The following SLC39A6 variants were observed in gnomAD, a reference collection of about 807,000 sequenced individuals.
The protein encoded by SLC39A6 is zinc transporter ZIP6.
In SLC39A6, 51 loss-of-function variants were observed where a neutral mutation model predicts 63.5. The ratio of observed to expected loss-of-function variants is 0.80; its 90% CI spans 0.64 to 1.01. The LOEUF (loss-of-function observed/expected upper bound fraction) is 1.01, where lower values mean the gene tolerates loss of function less well. Ranked by LOEUF, SLC39A6 falls within the 50% of genes least tolerant of loss-of-function variation. The pLI is 0.00. For missense variants in SLC39A6, 805 were observed against 927.8 expected, an observed-to-expected ratio of 0.87 and a Z score of 1.72; for synonymous variants, 318 against 324.7, an observed-to-expected ratio of 0.98 and a Z score of 0.22.
chr18:36,119,195 T>A (rs912915201), intron 5 of SLC39A6, among the ~76,000 whole-genome samples: 5 of 152,196 alleles, frequency 3.3e-5, no homozygotes, highest in African/African-American at 1.2e-4. Flanking sequence ...TTTGAGAGAA[T>A]TAGATTAAAA....
intron 4 of SLC39A6, 39 bp downstream of exon 4, chr18:36,123,456 G>C: frequency 6.7e-7 from 1 of 1,488,780 alleles, no homozygotes; most frequent in Non-Finnish European, 9.0e-7. Flanking sequence ...TTTCAATGTT[G>C]AATAATCAAA....
Position 36,122,178 on chromosome 18 carries a change from G to A in SLC39A6, c.1233C>T (p.Asn411=). 6.2e-7 allele frequency: 1 copy of A among 1,613,738 alleles called. No individual in the cohort carries two copies. The highest frequency in any genetic ancestry group is 1.1e-5 in the South Asian group (1 of 91,066). The change falls in exon 5 of 10, where the codon AAC becomes AAT. Residue 411 remains asparagine, a synonymous_variant. Transcript: ENST00000269187. ...AATCAAAATAGGCACTTTCTTCTATGTTTTGAGAAGACAGATGACTGAAAA... is the reference window on the plus strand; with the variant it reads ...AATCAAAATAGGCACTTTCTTCTATATTTTGAGAAGACAGATGACTGAAAA... The part of the protein sequence containing the change: ...GPLFSHLSSQ[N]IEESAYFDST...
At chr18:36,113,625 T>C (rs917700537) in intron 7 of SLC39A6, among the ~76,000 whole-genome samples, 4 of 152,206 alleles carry the variant, frequency 2.6e-5, no homozygotes, top group Non-Finnish European at 4.4e-5. Flanking sequence ...CTCCCAATTG[T>C]GGTATAACAA....
intron 3 of SLC39A6, 98 bp from the exon 4 acceptor site, chr18:36,123,762 G>C: frequency 8.3e-7 from 1 of 1,208,268 alleles, no homozygotes; most frequent in South Asian, 1.6e-5. Context: ...CACGTAAAAG[G>C]AGAGAAGCTA....
At chr18:36,125,627 A>T (rs2089431300) in intron 2 of SLC39A6, among the ~76,000 whole-genome samples, 1 of 152,028 alleles carries the variant, frequency 6.6e-6, no homozygotes, top group South Asian at 2.1e-4. Context: ...CCTGTTCTTG[A>T]CATCTCTCAG....
Position 36,111,263 on chromosome 18 carries a change from C to G in SLC39A6, c.1925-14G>C. 6.3e-7 allele frequency: 1 copy of G among 1,598,056 alleles called. No homozygotes were observed. Among genetic ancestry groups the G allele is most frequent in the Non-Finnish European group, 8.5e-7 (1 of 1,173,882 alleles). ...CAGCAAAGTCACCTTTAACAGAAAA[C>G]AAAAAAGGAGGAAAAAGTCATTGAG... On this transcript the variant is annotated splice_polypyrimidine_tract_variant and intron_variant, in intron 8 of 9. Transcript: ENST00000269187.
rs749112088 is a variant in SLC39A6 at position 36,126,358 on chromosome 18, T to G, written c.650A>C (p.Asp217Ala). The change falls in exon 2 of 10, where the codon GAT (aspartate) becomes GCT (alanine). Residue 217 changes from aspartate (D) to alanine (A), a missense_variant. Physicochemically the swap from Asp to Ala is moderately radical, Grantham distance 126. Around this residue, in one of 4 missense-constraint regions of SLC39A6, gnomAD observed 639 missense variants for 644.0 expected, o/e 0.99. Transcript: ENST00000269187. ...ACTGGGTGGAGTGGAGCTGCTTACA[T>G]CTTTGGGGAAGAGTTTTCCAGGTCT... ...TPRPGKLFPK[D>A]VSSSTPPSVT... The G allele has an allele frequency of 5.0e-6, 8 of 1,614,256 alleles. No homozygotes were observed. In the East Asian group the frequency reaches 1.8e-4, roughly 36 times the overall value.
chr18:36,123,669 CAAACA>C lies in SLC39A6; in HGVS notation c.971-10_971-6del. 1 of 1,593,982 alleles carries C rather than the reference CAAACA, an allele frequency of 6.3e-7. No homozygotes were observed. Among genetic ancestry groups the C allele is most frequent in the East Asian group, 2.2e-5 (1 of 44,560 alleles). The stretch of plus-strand genomic sequence containing the variant: ...CTATAAAACCACCAACCCAGGCTGT[CAAACA>C]AAACAAAACAGAGCAAAGAAAAATT... On this transcript the variant is annotated splice_polypyrimidine_tract_variant and splice_region_variant and intron_variant, in intron 3 of 9. Transcript: ENST00000269187.
At chr18:36,119,938 A>C (rs1266006281) in intron 5 of SLC39A6, among the ~76,000 whole-genome samples, 4 of 152,190 alleles carry the variant, frequency 2.6e-5, no homozygotes, top group African/African-American at 4.8e-5. Context: ...GTATTTAGGT[A>C]AAATTTGGAA....
chr18:36,110,993 C>T (rs894961449), intron 9 of SLC39A6, 66 bp downstream of exon 9: 3 of 1,588,524 alleles, frequency 1.9e-6, no homozygotes, highest in Non-Finnish European at 2.6e-6. Context: ...AAAAATGAGG[C>T]TTTACCGAAT....
rs775287665 is a variant in SLC39A6, at chr18:36,114,378, T to C, written c.1562A>G (p.His521Arg). The C allele has an allele frequency of 5.6e-6, 9 of 1,614,210 alleles. No homozygotes were observed. In the East Asian group the frequency reaches 1.1e-4, roughly 20 times the overall value. ...ATTGTAGACTTCCTGTGGATGAGCATGAGCTATCATGACCTCTTCTTCTTC... is the reference window on the plus strand; with the variant it reads ...ATTGTAGACTTCCTGTGGATGAGCACGAGCTATCATGACCTCTTCTTCTTC... The part of the protein sequence containing the change: ...VLEEEEVMIA[H>R]AHPQEVYNEY... The change falls in exon 7 of 10, where the codon CAT (histidine) becomes CGT (arginine). Residue 521 changes from histidine to arginine, a missense_variant. By Grantham distance (29) the His-to-Arg change is conservative. Around this residue, in one of 4 missense-constraint regions of SLC39A6, gnomAD observed 639 missense variants for 644.0 expected, o/e 0.99. Transcript: ENST00000269187.
intron 5 of SLC39A6, among the ~76,000 whole-genome samples, chr18:36,120,686 T>C (rs1292401850): frequency 6.6e-6 from 1 of 152,222 alleles, no homozygotes; most frequent in African/African-American, 2.4e-5. Context: ...AGAGACAGTG[T>C]CTTGCTATGT....
Position 36,111,226 on chromosome 18 carries a change from C to A in SLC39A6, c.1948G>T (p.Ala650Ser), listed in dbSNP as rs1161712589. ...ACAGCCTGCTTAACGGTCATGCCAG[C>A]CTTTAGTAGAACAGCAAAGTCACCT... ...ELGDFAVLLK[A>S]GMTVKQAVLY... is the part of the protein sequence containing the mutation. Residue 650 changes from alanine (A) to serine (S), a missense_variant, in exon 9 of 10, where the codon GCT becomes TCT. Coordinates refer to ENST00000269187, the MANE Select transcript of SLC39A6 (RefSeq NM_012319.4). 1 of 1,613,982 alleles carries A rather than the reference C, an allele frequency of 6.2e-7. No homozygotes were observed. The highest frequency in any genetic ancestry group is 1.7e-5 in the Admixed American group (1 of 59,992).
At chr18:36,110,625 A>G (rs994928011) in intron 9 of SLC39A6, among the ~76,000 whole-genome samples, 12 of 152,096 alleles carry the variant, frequency 7.9e-5, no homozygotes, top group African/African-American at 2.7e-4. Context: ...TGCAACCTCC[A>G]TCTCCTGGGT....
intron 1 of SLC39A6, among the ~76,000 whole-genome samples, chr18:36,128,822 T>C (rs963531070): frequency 6.6e-6 from 1 of 152,184 alleles, no homozygotes; most frequent in African/African-American, 2.4e-5. Flanking sequence ...TCTAAAAGCT[T>C]TTTATTTCTA....
chr18:36,111,153 G>A lies in SLC39A6; in HGVS notation c.2021C>T (p.Thr674Ile), dbSNP rs2089296658. ...AGCATAATGACCAATGAAAATTCCT[G>A]TTGCCATTCCAAGATACGCCAGCAT... The part of the protein sequence containing the change: ...SAMLAYLGMA[T>I]GIFIGHYAEN... The change falls in exon 9 of 10, where the codon ACA (threonine) becomes ATA (isoleucine). Residue 674 changes from threonine (T) to isoleucine (I), a missense_variant. Coordinates refer to ENST00000269187, the MANE Select transcript of SLC39A6 (RefSeq NM_012319.4). 6.2e-7 allele frequency: 1 copy of A among 1,614,194 alleles called. No homozygotes were observed. Among genetic ancestry groups the A allele is most frequent in the African/African-American group, 1.3e-5 (1 of 75,054 alleles).
At chr18:36,126,101 C>T in intron 2 of SLC39A6, 118 bp downstream of exon 2, 1 of 1,040,312 alleles carries the variant, frequency 9.6e-7, no homozygotes, top group Non-Finnish European at 1.4e-6. Flanking sequence ...GTGGAAATTC[C>T]CTTTTCAATA....
At chr18:36,115,551 G>A (rs1374180772) in intron 6 of SLC39A6, among the ~76,000 whole-genome samples, 7 of 152,168 alleles carry the variant, frequency 4.6e-5, no homozygotes, top group Admixed American at 4.6e-4. Context: ...GTCGTTGGGT[G>A]CTGAGGGAAG....
Position 36,110,885 on chromosome 18 carries a change from G to A in SLC39A6, c.2115+174C>T, listed in dbSNP as rs553882110. ...TTGAGCCTATAGTCCTAGCTACTCA[G>A]GAGGCTGAGATGGAAGGATCATTTG... On this transcript the variant is annotated intron_variant, in intron 9 of 9. Transcript: ENST00000269187. The A allele has an allele frequency of 5.2e-5, 57 of 1,097,550 alleles. No individual in the cohort carries two copies. The African/African-American group carries it at 8.3e-4, about 16-fold the overall frequency. The allele number at this position is 1,097,550 out of a possible 1,614,324, so 68.0% of individuals were successfully genotyped here.
Sources: gnomAD v4.1 joint callset for allele counts (sites outside exome capture counted in the v4.1 genomes callset) on GRCh38, gnomAD v4.1.1 for gene constraint, gnomAD v4.1.1 regional missense constraint, MANE v1.5 for transcripts, NCBI Gene and HGNC (gene_info 2026-07-23, HGNC 2026-07-21) for gene names.